INPP4B: variants seen among roughly 807,000 people sequenced by gnomAD.
The protein encoded by INPP4B is inositol polyphosphate 4-phosphatase type II.
In INPP4B, 55 loss-of-function variants were observed where a neutral mutation model predicts 122.5. That is an observed-to-expected ratio of 0.45 (90% CI 0.36 to 0.56). The LOEUF (loss-of-function observed/expected upper bound fraction) is 0.56. INPP4B is among the 20% of genes least tolerant of loss of function. The pLI is 0.00. For synonymous variants in INPP4B, 403 were observed against 388.7 expected (o/e 1.04, Z -0.43); for missense variants, 1,000 against 1,097.7 (o/e 0.91, Z 1.26).
intron 25 of INPP4B, among the ~76,000 whole-genome samples, chr4:142,033,372 G>C (rs1286527170): frequency 6.6e-6 from 1 of 152,184 alleles, no homozygotes; most frequent in African/African-American, 2.4e-5. Flanking sequence ...TCCAGCAGCA[G>C]AGGCTGAGGT....
chr4:142,305,642 T>A (rs1579677230), intron 8 of INPP4B, 105 bp from the exon 9 acceptor site: 3 of 1,485,896 alleles, frequency 2.0e-6, no homozygotes, highest in Admixed American at 2.2e-5. Context: ...AAATATTAAA[T>A]CTATTAGCCT....
intron 1 of INPP4B, among the ~76,000 whole-genome samples, chr4:142,756,470 T>C (rs1360497565): frequency 1.3e-5 from 2 of 152,070 alleles, no homozygotes; most frequent in Non-Finnish European, 2.9e-5. Flanking sequence ...TATCATCTTA[T>C]AAGATCCTTG....
At chr4:142,419,532 T>G (rs567077143) in intron 5 of INPP4B, among the ~76,000 whole-genome samples, 1 of 152,220 alleles carries the variant, frequency 6.6e-6, no homozygotes, top group South Asian at 2.1e-4. Flanking sequence ...ACAGAGAACT[T>G]AAGCTTTGGG....
At chr4:142,532,484 A>G (rs1827733113) in intron 2 of INPP4B, among the ~76,000 whole-genome samples, 1 of 152,020 alleles carries the variant, frequency 6.6e-6, no homozygotes. Context: ...TGCTCTGATC[A>G]TCCCTGGCTT....
chr4:142,330,392 G>A (rs1774008094), intron 7 of INPP4B, among the ~76,000 whole-genome samples: 1 of 152,156 alleles, frequency 6.6e-6, no homozygotes, highest in Admixed American at 6.5e-5. Context: ...AGTTAAAGTT[G>A]TGAAACATTC....
intron 12 of INPP4B, among the ~76,000 whole-genome samples, chr4:142,235,402 C>T (rs1299660756): frequency 6.6e-6 from 1 of 151,254 alleles, no homozygotes; most frequent in African/African-American, 2.4e-5. Flanking sequence ...TAATGAATTT[C>T]AGTGTTTTAT....
intron 1 of INPP4B, among the ~76,000 whole-genome samples, chr4:142,818,450 G>C (rs1252522102): frequency 6.6e-6 from 1 of 151,972 alleles, no homozygotes; most frequent in Non-Finnish European, 1.5e-5. Flanking sequence ...ACGTGTGTGT[G>C]TGTGTGTGTG....
intron 7 of INPP4B, among the ~76,000 whole-genome samples, chr4:142,316,707 ATAAAG>A (rs1477520140): frequency 2.0e-5 from 3 of 152,218 alleles, no homozygotes; most frequent in Non-Finnish European, 2.9e-5. Context: ...ATAGAGTTGT[ATAAAG>A]TATTTGATTT....
intron 12 of INPP4B, among the ~76,000 whole-genome samples, chr4:142,210,812 A>AG (rs1291171933): frequency 2.0e-5 from 3 of 152,176 alleles, no homozygotes; most frequent in Non-Finnish European, 4.4e-5. Context: ...GAATAAGTAA[A>AG]GGGGGGATGA....
chr4:142,394,479 T>G (rs1330538029), intron 7 of INPP4B, among the ~76,000 whole-genome samples: 3 of 152,160 alleles, frequency 2.0e-5, no homozygotes, highest in Non-Finnish European at 4.4e-5. Flanking sequence ...TTGCTGACAT[T>G]CTTAATTTTT....
chr4:142,840,347 T>A (rs995138744), intron 1 of INPP4B, among the ~76,000 whole-genome samples: 1 of 152,188 alleles, frequency 6.6e-6, no homozygotes, highest in African/African-American at 2.4e-5. Context: ...GGGATTAGGA[T>A]TAAAAATGCA....
At chr4:142,297,723 T>G (rs1759392223) in intron 9 of INPP4B, among the ~76,000 whole-genome samples, 1 of 152,222 alleles carries the variant, frequency 6.6e-6, no homozygotes, top group African/African-American at 2.4e-5. Flanking sequence ...CAAGTATTTC[T>G]TTATAGCAAT....
At chr4:142,643,245 A>G (rs1290880749) in intron 2 of INPP4B, among the ~76,000 whole-genome samples, 1 of 152,130 alleles carries the variant, frequency 6.6e-6, no homozygotes, top group Non-Finnish European at 1.5e-5. Flanking sequence ...ACTACTTCTC[A>G]CAACAACATG....
chr4:142,243,147 T>C (rs1175742028), intron 11 of INPP4B, among the ~76,000 whole-genome samples: 2 of 152,154 alleles, frequency 1.3e-5, no homozygotes, highest in East Asian at 1.9e-4. Context: ...AGGGAAAAGA[T>C]TAACCGTAAC....
At chr4:142,715,636 T>C (rs1037243142) in intron 2 of INPP4B, among the ~76,000 whole-genome samples, 1 of 152,198 alleles carries the variant, frequency 6.6e-6, no homozygotes, top group Non-Finnish European at 1.5e-5. Context: ...CAGTACCAGG[T>C]AGAGCAGGGT....
chr4:142,618,558 C>A (rs1408770625), intron 2 of INPP4B, among the ~76,000 whole-genome samples: 2 of 152,044 alleles, frequency 1.3e-5, no homozygotes, highest in African/African-American at 4.8e-5. Context: ...GGACCCTTTT[C>A]TTCCACTATA....
At chr4:142,325,480 G>A (rs985830492) in intron 7 of INPP4B, among the ~76,000 whole-genome samples, 1 of 152,162 alleles carries the variant, frequency 6.6e-6, no homozygotes, top group Non-Finnish European at 1.5e-5. Flanking sequence ...AATAATTGTT[G>A]AGTGGGATAT....
At chr4:142,400,216 A>T (rs978761523) in intron 7 of INPP4B, among the ~76,000 whole-genome samples, 1 of 152,208 alleles carries the variant, frequency 6.6e-6, no homozygotes, top group African/African-American at 2.4e-5. Context: ...GCTCAATAGG[A>T]AAACACAAGC....
intron 25 of INPP4B, among the ~76,000 whole-genome samples, chr4:142,032,616 AT>A (rs2152280908): frequency 6.6e-6 from 1 of 152,360 alleles, no homozygotes; most frequent in African/African-American, 2.4e-5. Flanking sequence ...ACATATAGAA[AT>A]AGCTGTGATA....
Sources: gnomAD v4.1 joint callset for allele counts (sites outside exome capture counted in the v4.1 genomes callset) on GRCh38, gnomAD v4.1.1 for gene constraint, MANE v1.5 for transcripts, NCBI Gene and HGNC (gene_info 2026-07-23, HGNC 2026-07-21) for gene names.